Variants in SLAIN2 observed in about 807,000 individuals in gnomAD.
SLAIN2 encodes SLAIN motif-containing protein 2.
A neutral mutation model predicts 56.6 loss-of-function variants in SLAIN2; 31 were observed. The ratio of observed to expected loss-of-function variants is 0.55; its 90% confidence interval spans 0.41 to 0.74. The LOEUF is 0.74. Among genes scored for constraint, SLAIN2 ranks in the 30% least tolerant of loss-of-function variants. The pLI is 0.00. For missense variants in SLAIN2, 777 were observed against 754.2 expected (o/e 1.03, Z -0.35); for synonymous variants, 317 against 284.9 (o/e 1.11, Z -1.13).
intron 2 of SLAIN2, among the ~76,000 whole-genome samples, chr4:48,377,336 A>T (rs1416190306): frequency 8.5e-6 from 1 of 117,500 alleles, no homozygotes; most frequent in African/African-American, 3.3e-5. Flanking sequence ...TGCCTGGCTA[A>T]TTTTTTTTTT....
At chr4:48,378,203 C>T in intron 3 of SLAIN2, 143 bp downstream of exon 3, 1 of 888,874 alleles carries the variant, frequency 1.1e-6, no homozygotes, top group Non-Finnish European at 1.7e-6. Flanking sequence ...TGAGGAGCAA[C>T]TTAGCACCAG....
chr4:48,360,892 T>C (rs74997759), intron 1 of SLAIN2, among the ~76,000 whole-genome samples: 4,290 of 152,346 alleles, frequency 0.028, 67 homozygotes, highest in Admixed American at 0.046. Context: ...TGGCTTCTTT[T>C]ACTTAGCATA....
intron 6 of SLAIN2, among the ~76,000 whole-genome samples, chr4:48,418,310 C>G (rs570525674): frequency 6.6e-6 from 1 of 151,836 alleles, no homozygotes; most frequent in South Asian, 2.1e-4. Flanking sequence ...TGTAGATGTT[C>G]TTTATGAGGT....
intron 1 of SLAIN2, 58 bp from the exon 2 acceptor site, chr4:48,369,791 G>GT: frequency 6.6e-7 from 1 of 1,521,080 alleles, no homozygotes; most frequent in Non-Finnish European, 8.9e-7. Flanking sequence ...AAGGATCCCT[G>GT]TTTTATATAA....
chr4:48,390,904 A>G (rs1039953168), intron 6 of SLAIN2, among the ~76,000 whole-genome samples: 2 of 152,164 alleles, frequency 1.3e-5, no homozygotes, highest in Admixed American at 1.3e-4. Flanking sequence ...TTTTTTCATG[A>G]AGCAACTGCT....
At chr4:48,356,998 A>G (rs182062344) in intron 1 of SLAIN2, among the ~76,000 whole-genome samples, 1 of 152,158 alleles carries the variant, frequency 6.6e-6, no homozygotes, top group Admixed American at 6.5e-5. Context: ...AACTAATGTC[A>G]CTTCAGTGCT....
At chr4:48,367,560 T>G (rs1715551510) in intron 1 of SLAIN2, among the ~76,000 whole-genome samples, 1 of 152,094 alleles carries the variant, frequency 6.6e-6, no homozygotes, top group African/African-American at 2.4e-5. Flanking sequence ...AATCCTAAAT[T>G]ACAAATTTTT....
intron 1 of SLAIN2, among the ~76,000 whole-genome samples, chr4:48,342,967 C>G (rs1050917669): frequency 2.0e-5 from 3 of 152,098 alleles, no homozygotes; most frequent in Non-Finnish European, 4.4e-5. Flanking sequence ...CTTAATATCA[C>G]TTTCATAAAT....
chr4:48,387,206 G>C (rs1229407044), intron 6 of SLAIN2, among the ~76,000 whole-genome samples: 1 of 152,020 alleles, frequency 6.6e-6, no homozygotes, highest in East Asian at 1.9e-4. Flanking sequence ...AAAAACAGAA[G>C]AAAAAACAAA....
chr4:48,400,150 G>A (rs984139051), intron 6 of SLAIN2, among the ~76,000 whole-genome samples: 1 of 151,996 alleles, frequency 6.6e-6, no homozygotes, highest in Non-Finnish European at 1.5e-5. Flanking sequence ...TCATTGATTG[G>A]CAGGCTATTT....
At chr4:48,347,022 T>C (rs1222218275) in intron 1 of SLAIN2, among the ~76,000 whole-genome samples, 3 of 151,786 alleles carry the variant, frequency 2.0e-5, no homozygotes, top group Non-Finnish European at 4.4e-5. Flanking sequence ...AAAATGGCTT[T>C]AATTTTTTTT....
intron 1 of SLAIN2, among the ~76,000 whole-genome samples, chr4:48,356,729 C>T (rs538669625): frequency 1.3e-5 from 2 of 151,996 alleles, no homozygotes; most frequent in East Asian, 1.9e-4. Flanking sequence ...AATTCTGAAC[C>T]TCAAGTTTAG....
At chr4:48,371,940 C>CCAAAA (rs144973452) in intron 2 of SLAIN2, among the ~76,000 whole-genome samples, 6 of 150,616 alleles carry the variant, frequency 4.0e-5, no homozygotes, top group Non-Finnish European at 7.4e-5. Flanking sequence ...GACCCTGTTG[C>CCAAAA]CAAAACAAAA....
In SLAIN2 at chr4:48,341,768, C is replaced by G; in HGVS notation, c.29C>G (p.Ala10Gly). The change falls in exon 1 of 8, where the codon GCG (alanine) becomes GGG (glycine). Residue 10 changes from alanine to glycine, a missense_variant. Physicochemically the swap from Ala to Gly is moderately conservative, Grantham distance 60. Transcript: ENST00000264313. The part of the protein sequence containing the change: MEDVNSNVN[A>G]DQEVRKLQEL... The stretch of plus-strand genomic sequence containing the variant: ...GAGGACGTTAACTCCAACGTGAACG[C>G]GGACCAGGAGGTGCGGAAGCTGCAG... 2.0e-6 allele frequency: 3 copies of G among 1,530,494 alleles called. No homozygotes were observed. The highest frequency in any genetic ancestry group is 1.2e-5 in the South Asian group (1 of 81,908). The allele number at this position is 1,530,494 out of a possible 1,614,324, so 94.8% of individuals were successfully genotyped here.
intron 6 of SLAIN2, among the ~76,000 whole-genome samples, chr4:48,405,796 G>T (rs1426571789): frequency 2.0e-5 from 3 of 151,962 alleles, no homozygotes; most frequent in Non-Finnish European, 2.9e-5. Context: ...TGTATAAAGA[G>T]AATTTTTTCC....
rs1717117238 is a variant in SLAIN2, at chr4:48,420,384, T to C, written c.1620T>C (p.Ser540=). 1 of 1,613,886 alleles carries C rather than the reference T, an allele frequency of 6.2e-7. No homozygotes were observed. Among genetic ancestry groups the C allele is most frequent in the African/African-American group, 1.3e-5 (1 of 74,946 alleles). The change falls in exon 7 of 8, where the codon AGT becomes AGC. Residue 540 remains serine (S), a synonymous_variant. Transcript: ENST00000264313. ...TAMRSGLPRP[S]APSAGGIPVP... ...TGAGAAGTGGCTTGCCCAGACCCAG[T>C]GCCCCTTCTGCTGGGGGCATACCAG...
intron 1 of SLAIN2, among the ~76,000 whole-genome samples, chr4:48,355,630 T>C (rs1352383761): frequency 1.3e-5 from 2 of 152,150 alleles, no homozygotes; most frequent in East Asian, 3.8e-4. Flanking sequence ...TTAACTTTAG[T>C]TGTATAAACA....
intron 6 of SLAIN2, 118 bp from the exon 7 acceptor site, chr4:48,420,007 C>T: frequency 1.0e-6 from 1 of 985,386 alleles, no homozygotes; most frequent in East Asian, 2.6e-5. Context: ...GTTTGCATTG[C>T]TGTGAAGTTT....
intron 1 of SLAIN2, among the ~76,000 whole-genome samples, chr4:48,347,226 CCT>C (rs903992586): frequency 6.6e-6 from 1 of 150,404 alleles, no homozygotes; most frequent in Non-Finnish European, 1.5e-5. Context: ...CAGTCCGCAA[CCT>C]TTTTGGCATC....
Sources: gnomAD v4.1 joint callset for allele counts (sites outside exome capture counted in the v4.1 genomes callset) on GRCh38, gnomAD v4.1.1 for gene constraint, MANE v1.5 for transcripts, NCBI Gene and HGNC (gene_info 2026-07-23, HGNC 2026-07-21) for gene names.